The following CACNA1A variants were observed in gnomAD, a reference collection of about 807,000 sequenced individuals.
The protein encoded by CACNA1A is calcium voltage-gated channel subunit alpha1 A.
A neutral mutation model predicts 262.4 loss-of-function variants in CACNA1A; 57 were observed. The observed-to-expected ratio is 0.22, with a 90% CI of 0.18 to 0.27. The LOEUF (loss-of-function observed/expected upper bound fraction) is 0.27. Ranked by LOEUF, CACNA1A falls within the 10% of genes least tolerant of loss-of-function variation. The pLI is 1.00. For synonymous variants in CACNA1A, 1,431 were observed against 1,419.3 expected (o/e 1.01, Z -0.18); for missense variants, 2,526 against 3,562.8 (o/e 0.71, Z 7.41).
chr19:13,415,122 G>A (rs911952873), intron 3 of CACNA1A, among the ~76,000 whole-genome samples: 10 of 152,088 alleles, frequency 6.6e-5, no homozygotes, highest in African/African-American at 1.9e-4. Flanking sequence ...TGTATTCCCA[G>A]GGAGCTTAAA....
Position 13,430,989 on chromosome 19 carries a change from G to A in CACNA1A, c.539+21887C>T, listed in dbSNP as rs535953746. Among the ~76,000 whole-genome samples the A allele has an allele frequency of 4.6e-5, 7 of 152,168 alleles. No homozygotes were observed. In the South Asian group the frequency reaches 1.5e-3, roughly 32 times the overall value. The stretch of plus-strand genomic sequence containing the variant: ...GCCCTGAGGCTGGGGAGTGCTTGGT[G>A]TGTAAGGGACAGCAGGGAACTTGTG... On this transcript the variant is annotated intron_variant, in intron 3 of 46. Transcript: ENST00000360228.
chr19:13,499,408 G>A (rs1237164771), intron 1 of CACNA1A, among the ~76,000 whole-genome samples: 7 of 129,634 alleles, frequency 5.4e-5, no homozygotes, highest in Non-Finnish European at 9.3e-5. Flanking sequence ...AGAGCGCCAC[G>A]ATCAGGTTAA....
At chr19:13,485,512 C>T (rs975746314) in intron 1 of CACNA1A, among the ~76,000 whole-genome samples, 1 of 151,900 alleles carries the variant, frequency 6.6e-6, no homozygotes, top group Non-Finnish European at 1.5e-5. Context: ...GTAAGGATCA[C>T]CCACAAATCA....
At chr19:13,458,864 G>A (rs190362488) in intron 1 of CACNA1A, among the ~76,000 whole-genome samples, 6 of 152,360 alleles carry the variant, frequency 3.9e-5, no homozygotes, top group Non-Finnish European at 7.3e-5. Flanking sequence ...CTCTGAGGAG[G>A]TGTAAGCGCT....
chr19:13,271,127 A>T (rs950264411), intron 24 of CACNA1A, among the ~76,000 whole-genome samples: 8 of 151,772 alleles, frequency 5.3e-5, no homozygotes, highest in East Asian at 1.9e-4. Flanking sequence ...TTGTAGGCCA[A>T]TTTGAATGCC....
intron 3 of CACNA1A, among the ~76,000 whole-genome samples, chr19:13,446,938 A>G (rs1179671664): frequency 2.0e-5 from 3 of 152,014 alleles, no homozygotes; most frequent in African/African-American, 7.2e-5. Context: ...TTACAACCCA[A>G]CAGGACACTA....
At chr19:13,279,270 C>A (rs1347309378) in intron 22 of CACNA1A, among the ~76,000 whole-genome samples, 1 of 152,102 alleles carries the variant, frequency 6.6e-6, no homozygotes, top group Non-Finnish European at 1.5e-5. Flanking sequence ...TCTTTTTCAT[C>A]TATTTGAAAA....
In CACNA1A at chr19:13,214,836, A is replaced by G. The variant is rs2054939321; in HGVS notation, c.5732-228T>C. 1 of 549,872 alleles carries G rather than the reference A, an allele frequency of 1.8e-6. No individual in the cohort carries two copies. The highest frequency in any genetic ancestry group is 3.2e-6 in the Non-Finnish European group (1 of 308,260). 34.1% of individuals were successfully genotyped at this position (549,872 alleles called of 1,614,324 possible). The stretch of plus-strand genomic sequence containing the variant: ...GGCCAGGACCATGGAGCAGCTGTGC[A>G]GGAGACAGCCCGGCATGGAGAACAG... On this transcript the variant is annotated intron_variant, in intron 38 of 46. Coordinates refer to ENST00000360228, the MANE Select transcript of CACNA1A (RefSeq NM_001127222.2). The surrounding 1 kb of genome is among the most constrained non-coding windows in gnomAD (Gnocchi z 4.1).
rs771433851 is a variant in CACNA1A at position 13,208,791 on chromosome 19, G to A, written c.6745C>T (p.Pro2249Ser). 1.3e-6 allele frequency: 2 copies of A among 1,560,600 alleles called. No individual in the cohort carries two copies. Among genetic ancestry groups the A allele is most frequent in the African/African-American group, 1.3e-5 (1 of 74,134 alleles). Residue 2249 changes from proline (P) to serine (S), a missense_variant, in exon 46 of 47, where the codon CCC becomes TCC. Around this residue, in one of 17 missense-constraint regions of CACNA1A, gnomAD observed 929 missense variants for 868.1 expected, o/e 1.07. Transcript: ENST00000360228. ...RARDQRWSRS[P>S]SEGREHMAHR... is the part of the protein sequence containing the mutation. ...GCCATGTGCTCTCGGCCCTCGCTGG[G>A]CGAGCGGGACCAGCGCTGGTCCCGA...
chr19:13,339,289 T>C (rs763241676), intron 6 of CACNA1A, among the ~76,000 whole-genome samples: 1 of 152,188 alleles, frequency 6.6e-6, no homozygotes. Context: ...GGGAAAATCC[T>C]GTATGATTCC....
chr19:13,233,000 G>C (rs2055726676), intron 34 of CACNA1A, among the ~76,000 whole-genome samples: 1 of 151,042 alleles, frequency 6.6e-6, no homozygotes, highest in Non-Finnish European at 1.5e-5. Context: ...GCCGAGCCGA[G>C]ATCGCACCAC....
At chr19:13,393,735 T>C (rs2059757268) in intron 3 of CACNA1A, among the ~76,000 whole-genome samples, 1 of 147,722 alleles carries the variant, frequency 6.8e-6, no homozygotes, top group South Asian at 2.2e-4. Context: ...CTCTTTTCTT[T>C]CCTTTTCTCT....
Position 13,230,097 on chromosome 19 carries a change from T to C in CACNA1A, c.5513A>G (p.Tyr1838Cys). ...GACTTCTTACCAAGCTGCGGGGTCA[T>C]ACTCGGCCCAGACACGCACGTACTC... ...LDEYVRVWAE[Y>C]DPAAWGRMPY... Residue 1838 changes from tyrosine to cysteine, a missense_variant, in exon 36 of 47, where the codon TAT becomes TGT. Coordinates refer to ENST00000360228, the MANE Select transcript of CACNA1A (RefSeq NM_001127222.2). 1 of 1,613,496 alleles carries C rather than the reference T, an allele frequency of 6.2e-7. No individual in the cohort carries two copies. The highest frequency in any genetic ancestry group is 8.5e-7 in the Non-Finnish European group (1 of 1,179,664).
rs1037209163 is a variant in CACNA1A at position 13,381,026 on chromosome 19, T to G, written c.540-9247A>C. ...CCTGAGCTCAAGCAATCTGCCTGCT[T>G]TGGCCTCCCAAAGTGCTGGTATTTG... is the stretch of plus-strand genomic sequence containing the variant. On this transcript the variant is annotated intron_variant, in intron 3 of 46. Coordinates refer to ENST00000360228, the MANE Select transcript of CACNA1A (RefSeq NM_001127222.2). 7.2e-5 allele frequency among the ~76,000 whole-genome samples: 11 copies of G among 152,154 alleles called. No homozygotes were observed. In the East Asian group the frequency reaches 1.9e-3, roughly 27 times the overall value.
intron 3 of CACNA1A, among the ~76,000 whole-genome samples, chr19:13,419,357 A>G (rs745483317): frequency 6.6e-6 from 1 of 152,178 alleles, no homozygotes; most frequent in Non-Finnish European, 1.5e-5. Flanking sequence ...CAATGACAAA[A>G]TCGCCTATTG....
intron 3 of CACNA1A, 69 bp from the exon 4 acceptor site, chr19:13,371,848 C>G (rs892932083): frequency 4.1e-5 from 47 of 1,134,562 alleles, no homozygotes; most frequent in Non-Finnish European, 5.7e-5. Flanking sequence ...GGCGGGGGTG[C>G]TTGGGATTCC....
chr19:13,307,939 G>A (rs553952463), intron 14 of CACNA1A, 85 bp from the exon 15 acceptor site: 3 of 1,424,590 alleles, frequency 2.1e-6, no homozygotes, highest in South Asian at 1.2e-5. Context: ...CCAAGGAAAC[G>A]AACGTCTCCA....
chr19:13,246,246 T>C (rs889699830), intron 30 of CACNA1A, among the ~76,000 whole-genome samples: 1 of 152,214 alleles, frequency 6.6e-6, no homozygotes, highest in Non-Finnish European at 1.5e-5. Flanking sequence ...GAACAGGCAC[T>C]GGACGGGGCT....
At chr19:13,493,482 G>A (rs932215950) in intron 1 of CACNA1A, among the ~76,000 whole-genome samples, 34 of 152,228 alleles carry the variant, frequency 2.2e-4, no homozygotes, top group African/African-American at 8.2e-4. Context: ...ATTGCCAAAA[G>A]TCCCCTTGGG....
Sources: allele counts gnomAD v4.1 joint callset (sites outside exome capture counted in the v4.1 genomes callset), GRCh38; gene constraint gnomAD v4.1.1; regional missense constraint gnomAD v4.1.1; non-coding constraint Gnocchi (gnomAD v3.1); transcripts MANE v1.5; gene names NCBI Gene and HGNC (gene_info 2026-07-23, HGNC 2026-07-21).